B9D1: variants seen among roughly 807,000 people sequenced by gnomAD.
The protein encoded by B9D1 is B9 domain-containing protein 1.
A neutral mutation model predicts 26.1 loss-of-function variants in B9D1; 20 were observed. The observed-to-expected ratio is 0.77, with a 90% CI of 0.54 to 1.12. B9D1 has a LOEUF of 1.12. Ranked by LOEUF, B9D1 falls within the 50% of genes most tolerant of loss-of-function variation. B9D1 has a pLI of 0.00. For missense variants in B9D1, 260 were observed against 273.7 expected (o/e 0.95, Z 0.35); for synonymous variants, 105 against 103.1 (o/e 1.02, Z -0.11).
At chr17:19,344,801 G>A (rs1313317710) in intron 5 of B9D1, among the ~76,000 whole-genome samples, 1 of 152,244 alleles carries the variant, frequency 6.6e-6, no homozygotes, top group Non-Finnish European at 1.5e-5. Context: ...AGCTGCCGCA[G>A]AGTTGGCCTG....
intron 6 of B9D1, 57 bp downstream of exon 6, chr17:19,343,733 A>G: frequency 1.2e-6 from 2 of 1,612,736 alleles, no homozygotes; most frequent in Non-Finnish European, 1.7e-6. Flanking sequence ...GGGCCCACCC[A>G]CTCCCAGGCT....
intron 3 of B9D1, among the ~76,000 whole-genome samples, chr17:19,348,505 G>A (rs1258799813): frequency 6.6e-6 from 1 of 152,170 alleles, no homozygotes; most frequent in African/African-American, 2.4e-5. Context: ...AGCCACGACT[G>A]AGGCAAGTTA....
Position 19,343,326 on chromosome 17 carries a change from G to C in B9D1, c.608C>G (p.Pro203Arg), listed in dbSNP as rs1399095814. The change falls in exon 7 of 7, where the codon CCC (proline) becomes CGC (arginine). Residue 203 changes from proline to arginine, a missense_variant. Pro to Arg is a moderately radical substitution (Grantham distance 103). Coordinates refer to ENST00000261499, the MANE Select transcript of B9D1 (RefSeq NM_015681.6). ...GTGCAGCCTGTGGAGCCTTCACTGG[G>C]GGAAGCTCTGGGGTGGGCTGGGCCC... ...VLGPSPPQSF[P>R]Q is the part of the protein sequence containing the mutation. 4 of 1,614,060 alleles carry C rather than the reference G, an allele frequency of 2.5e-6. No individual in the cohort carries two copies. The highest frequency in any genetic ancestry group is 3.4e-6 in the Non-Finnish European group (4 of 1,180,026).
rs965900971 is a variant in B9D1 at position 19,359,499 on chromosome 17, C to T, written c.132+821G>A. ...GGTCTTTCCTCAAAAGTTACTTTCT[C>T]GGCAAGGCCCTCCCTGGCAGCCTTA... is the stretch of plus-strand genomic sequence containing the variant. On this transcript the variant is annotated intron_variant, in intron 2 of 6. Transcript: ENST00000261499. The surrounding 1 kb of genome is among the most constrained non-coding windows in gnomAD (Gnocchi z 5.0). Among the ~76,000 whole-genome samples the T allele has an allele frequency of 2.0e-5, 3 of 152,186 alleles. No homozygotes were observed. The highest frequency in any genetic ancestry group is 4.8e-5 in the African/African-American group (2 of 41,452).
At chr17:19,374,866 G>A (rs1245027855) in intron 1 of B9D1, among the ~76,000 whole-genome samples, 1 of 152,122 alleles carries the variant, frequency 6.6e-6, no homozygotes, top group Non-Finnish European at 1.5e-5. Flanking sequence ...GTAAATCATG[G>A]GAAGTAAATA....
chr17:19,368,164 T>C (rs1911696700), intron 1 of B9D1, among the ~76,000 whole-genome samples: 1 of 152,206 alleles, frequency 6.6e-6, no homozygotes, highest in African/African-American at 2.4e-5. Flanking sequence ...ATTATCAGCC[T>C]TTCCTCAACT....
At position 19,362,550 on chromosome 17, in the gene B9D1, C is replaced by T. The variant is rs1911256730; in HGVS notation, c.20G>A (p.Ser7Asn). 1.3e-6 allele frequency: 2 copies of T among 1,589,364 alleles called. No individual in the cohort carries two copies. The highest frequency in any genetic ancestry group is 2.3e-5 in the South Asian group (2 of 87,502). Residue 7 changes from serine (S) to asparagine (N), a missense_variant, in exon 1 of 7, where the codon AGC (serine) becomes AAC (asparagine). Ser to Asn is a conservative substitution (Grantham distance 46). Coordinates refer to ENST00000261499, the MANE Select transcript of B9D1 (RefSeq NM_015681.6). ...CCCGTTGACCATGAGTAGAAAGACG[C>T]TAGGACTCGCGGTCGCCATGGCAGG... The part of the protein sequence containing the change: MATASP[S>N]VFLLMVNGQV...
At position 19,347,516 on chromosome 17, in the gene B9D1, A is replaced by G. The variant is rs182841326; in HGVS notation, c.342-185T>C. 2.0e-5 allele frequency among the ~76,000 whole-genome samples: 3 copies of G among 152,308 alleles called. No individual in the cohort carries two copies. Among genetic ancestry groups the G allele is most frequent in the Admixed American group, 1.3e-4 (2 of 15,300 alleles). On this transcript the variant is annotated intron_variant, in intron 4 of 6. Transcript: ENST00000261499. The surrounding 1 kb of genome is among the most constrained non-coding windows in gnomAD (Gnocchi z 4.3). ...TCTGGGCAAGGTGCTGAGCGCCAGGAGACAGCCTCATGGAGGTCAGAGTCC... is the reference window on the plus strand; with the variant it reads ...TCTGGGCAAGGTGCTGAGCGCCAGGGGACAGCCTCATGGAGGTCAGAGTCC...
chr17:19,362,455 G>A, intron 1 of B9D1, 52 bp downstream of exon 1: 2 of 1,423,970 alleles, frequency 1.4e-6, no homozygotes, highest in South Asian at 2.6e-5. Context: ...TTGCGGGAAG[G>A]GCCCCGGGGG....
intron 3 of B9D1, among the ~76,000 whole-genome samples, chr17:19,354,293 T>C (rs1028451442): frequency 1.3e-4 from 20 of 152,226 alleles, no homozygotes; most frequent in Non-Finnish European, 1.5e-5. Flanking sequence ...CTGAGTCTAC[T>C]TGCTTTACTG....
Position 19,347,062 on chromosome 17 carries a change from T to TA in B9D1, c.404+206dup. 1 of 1,550,280 alleles carries TA rather than the reference T, an allele frequency of 6.5e-7. No homozygotes were observed. Among genetic ancestry groups the TA allele is most frequent in the South Asian group, 1.2e-5 (1 of 84,190 alleles). ...CAAAGATTTTTCACAGGGCACAGGG[T>TA]AAAATCGCCCGGCCTTCTGCTGCTG... On this transcript the variant is annotated intron_variant, in intron 5 of 6. Coordinates refer to ENST00000261499, the MANE Select transcript of B9D1 (RefSeq NM_015681.6). This position sits in a 1 kb window ranked among gnomAD's most constrained non-coding sequence, Gnocchi z 4.3.
rs1249811687 is a variant in B9D1, at chr17:19,360,399, CACAG to C, written c.64-15_64-12del. The C allele has an allele frequency of 2.1e-5, 34 of 1,613,114 alleles. No homozygotes were observed. Among genetic ancestry groups the C allele is most frequent in the Non-Finnish European group, 2.7e-5 (32 of 1,179,446 alleles). ...ATCATACTCTGGAAACTGAAAAAAG[CACAG>C]ACAGATTCTGTCGACTGGTATTCAT... On this transcript the variant is annotated splice_polypyrimidine_tract_variant and intron_variant, in intron 1 of 6. Coordinates refer to ENST00000261499, the MANE Select transcript of B9D1 (RefSeq NM_015681.6).
chr17:19,357,817 C>A, intron 3 of B9D1, 23 bp downstream of exon 3: 1 of 1,585,260 alleles, frequency 6.3e-7, no homozygotes, highest in Non-Finnish European at 8.7e-7. Flanking sequence ...CCACCCTACC[C>A]CACAGGGCCC....
Position 19,362,541 on chromosome 17 carries a change from A to G in B9D1, c.29T>C (p.Leu10Pro), listed in dbSNP as rs1443586766. The G allele has an allele frequency of 3.8e-6, 6 of 1,588,332 alleles. No individual in the cohort carries two copies. Among genetic ancestry groups the G allele is most frequent in the Non-Finnish European group, 5.1e-6 (6 of 1,167,588 alleles). Residue 10 changes from leucine to proline, a missense_variant, in exon 1 of 7, where the codon CTA becomes CCA. By Grantham distance (98) the Leu-to-Pro change is moderately conservative. Transcript: ENST00000261499. MATASPSVF[L>P]LMVNGQVESA... ...CTCCACCTGCCCGTTGACCATGAGT[A>G]GAAAGACGCTAGGACTCGCGGTCGC... is the stretch of plus-strand genomic sequence containing the variant.
chr17:19,358,056 G>C, intron 2 of B9D1, 105 bp from the exon 3 acceptor site: 1 of 803,714 alleles, frequency 1.2e-6, no homozygotes, highest in Non-Finnish European at 2.2e-6. Context: ...TTTCTCAGCT[G>C]TCTTCTCCCA....
At chr17:19,354,771 T>C (rs1174504872) in intron 3 of B9D1, among the ~76,000 whole-genome samples, 1 of 152,096 alleles carries the variant, frequency 6.6e-6, no homozygotes, top group African/African-American at 2.4e-5. Flanking sequence ...GAGGTTGCAG[T>C]GAGCCGAGAT....
chr17:19,353,458 G>A (rs1478394619), intron 3 of B9D1, among the ~76,000 whole-genome samples: 2 of 147,952 alleles, frequency 1.4e-5, no homozygotes, highest in South Asian at 2.2e-4. Flanking sequence ...CCAACATGGT[G>A]AAACCCCATC....
At position 19,362,571 on chromosome 17, in the gene B9D1, G is replaced by A; in HGVS notation, c.-2C>T. On this transcript the variant is annotated 5_prime_UTR_variant, in exon 1 of 7. Coordinates refer to ENST00000261499, the MANE Select transcript of B9D1 (RefSeq NM_015681.6). ...GACGCTAGGACTCGCGGTCGCCATGGCAGGTCTGGGGGTGCCGGGGGGACC... is the reference window on the plus strand; with the variant it reads ...GACGCTAGGACTCGCGGTCGCCATGACAGGTCTGGGGGTGCCGGGGGGACC... 1 of 1,588,954 alleles carries A rather than the reference G, an allele frequency of 6.3e-7. No homozygotes were observed. The highest frequency in any genetic ancestry group is 1.8e-5 in the Admixed American group (1 of 57,136).
chr17:19,351,537 G>T (rs1297551685), intron 3 of B9D1, among the ~76,000 whole-genome samples: 2 of 152,112 alleles, frequency 1.3e-5, no homozygotes, highest in Non-Finnish European at 2.9e-5. Context: ...TCAATTCTAG[G>T]AGTTTGTGTA....
Sources: gnomAD v4.1 joint callset for allele counts (sites outside exome capture counted in the v4.1 genomes callset) on GRCh38, gnomAD v4.1.1 for gene constraint, Gnocchi (gnomAD v3.1) non-coding constraint, MANE v1.5 for transcripts, NCBI Gene and HGNC (gene_info 2026-07-23, HGNC 2026-07-21) for gene names.